The following CUL9 variants were observed in gnomAD, a reference collection of about 807,000 sequenced individuals.
CUL9 encodes cullin 9, also known as cullin-9.
In CUL9, 79 loss-of-function variants were observed where a neutral mutation model predicts 272.6. The ratio of observed to expected loss-of-function variants is 0.29; its 90% CI spans 0.24 to 0.35. The LOEUF is 0.35. CUL9 is among the 10% of genes least tolerant of loss of function. The pLI is 1.00. For synonymous variants in CUL9, 1,186 were observed against 1,286.5 expected, an observed-to-expected ratio of 0.92 and a Z score of 1.67; for missense variants, 2,532 against 3,255.6, an observed-to-expected ratio of 0.78 and a Z score of 5.41.
rs1394787297 is a variant in CUL9, at chr6:43,221,793, A to G, written c.6846+15A>G. 1.9e-6 allele frequency: 3 copies of G among 1,608,164 alleles called. No homozygotes were observed. The highest frequency in any genetic ancestry group is 2.5e-6 in the Non-Finnish European group (3 of 1,178,850). On this transcript the variant is annotated intron_variant, in intron 35 of 40. Coordinates refer to ENST00000252050, the MANE Select transcript of CUL9 (RefSeq NM_015089.4). This position sits in a 1 kb window ranked among gnomAD's most constrained non-coding sequence, Gnocchi z 4.2. ...GCTCTGCCATGGTAAGGCGCTGGGC[A>G]CTAGGGGAGGGCAGAGGCCCAGAGC...
chr6:43,207,971 G>C (rs1775176133), intron 26 of CUL9, among the ~76,000 whole-genome samples: 1 of 152,130 alleles, frequency 6.6e-6, no homozygotes, highest in Non-Finnish European at 1.5e-5. Flanking sequence ...CACTATGATG[G>C]TGAATTTTTT....
rs775722130 is a variant in CUL9 at position 43,200,162 on chromosome 6, G to A, written c.3384+6G>A. 1.9e-6 allele frequency: 3 copies of A among 1,612,216 alleles called. No homozygotes were observed. The highest frequency in any genetic ancestry group is 2.5e-6 in the Non-Finnish European group (3 of 1,178,676). On this transcript the variant is annotated splice_donor_region_variant and intron_variant, in intron 14 of 40. Coordinates refer to ENST00000252050, the MANE Select transcript of CUL9 (RefSeq NM_015089.4). The surrounding 1 kb of genome is among the most constrained non-coding windows in gnomAD (Gnocchi z 4.0). ...TCCTGGCCGGCTGCATTCAGGTGAG[G>A]AGCGGCTGTGGGTATGCAGCTGAGA... is the stretch of plus-strand genomic sequence containing the variant.
In CUL9 at chr6:43,204,506, C is replaced by T. The variant is rs1482113728; in HGVS notation, c.4306C>T (p.Pro1436Ser). The T allele has an allele frequency of 1.2e-6, 2 of 1,614,146 alleles. No individual in the cohort carries two copies. The highest frequency in any genetic ancestry group is 1.7e-6 in the Non-Finnish European group (2 of 1,180,036). ...CHLLVHVEPPPGPSPEPSTRP... is the reference protein window; with the variant it reads ...CHLLVHVEPPSGPSPEPSTRP... Reference sequence around the variant, plus strand: ...CTTGCTGGTGCATGTGGAACCTCCTCCTGGGCCTTCTCCTGAGCCATCCAC... The same window carrying T: ...CTTGCTGGTGCATGTGGAACCTCCTTCTGGGCCTTCTCCTGAGCCATCCAC... The change falls in exon 21 of 41, where the codon CCT becomes TCT. Residue 1436 changes from proline (P) to serine (S), a missense_variant. Pro to Ser is a moderately conservative substitution (Grantham distance 74, BLOSUM62 -1). Transcript: ENST00000252050.
In CUL9 at chr6:43,220,023, C is replaced by T. The variant is rs1488788102; in HGVS notation, c.6283-436C>T. ...GGCATAAGTCAGAGACAGGAGCATC[C>T]GGACGGTCATTGGAGATAAGCCACT... On this transcript the variant is annotated intron_variant, in intron 31 of 40. Transcript: ENST00000252050. The surrounding 1 kb of genome is among the most constrained non-coding windows in gnomAD (Gnocchi z 4.9). Among the ~76,000 whole-genome samples the T allele has an allele frequency of 2.6e-5, 4 of 152,034 alleles. No individual in the cohort carries two copies. The highest frequency in any genetic ancestry group is 1.9e-4 in the East Asian group (1 of 5,190).
rs1204043202 is a variant in CUL9 at position 43,224,470 on chromosome 6, G to A, written c.*25G>A. The A allele has an allele frequency of 6.2e-7, 1 of 1,603,744 alleles. No homozygotes were observed. Reference sequence around the variant, plus strand: ...AGGGGGCAGATGCAGGAAACACCTAGAGCAGCCCCAGAGTCACGGGGCTGA... The same window carrying A: ...AGGGGGCAGATGCAGGAAACACCTAAAGCAGCCCCAGAGTCACGGGGCTGA... On this transcript the variant is annotated 3_prime_UTR_variant, in exon 41 of 41. Coordinates refer to ENST00000252050, the MANE Select transcript of CUL9 (RefSeq NM_015089.4). This position sits in a 1 kb window ranked among gnomAD's most constrained non-coding sequence, Gnocchi z 4.2.
chr6:43,198,923 GTTTCTTTTCTGT>G (rs1463276900), intron 12 of CUL9, 68 bp downstream of exon 12: 17 of 1,499,730 alleles, frequency 1.1e-5, no homozygotes, highest in South Asian at 9.8e-5. Context: ...GACTTCACTT[GTTTCTTTTCTGT>G]TTTCTTTTTT....
chr6:43,194,388 G>A (rs138405883), intron 9 of CUL9, among the ~76,000 whole-genome samples: 6 of 150,818 alleles, frequency 4.0e-5, no homozygotes, highest in Admixed American at 4.0e-4. Context: ...GCTCAATCTC[G>A]GCTCACTGGA....
At position 43,184,435 on chromosome 6, in the gene CUL9, G is replaced by T. The variant is rs1455064352; in HGVS notation, c.125G>T (p.Trp42Leu). 6.2e-7 allele frequency: 1 copy of T among 1,613,910 alleles called. No individual in the cohort carries two copies. Among genetic ancestry groups the T allele is most frequent in the Non-Finnish European group, 8.5e-7 (1 of 1,179,926 alleles). ...HDGHPEYLIR[W>L]SVLKCGEVGK... ...GGGCATCCTGAATACCTGATCCGATGGAGTGTCCTGAAGTGTGGGGAAGTG... is the reference window on the plus strand; with the variant it reads ...GGGCATCCTGAATACCTGATCCGATTGAGTGTCCTGAAGTGTGGGGAAGTG... The change falls in exon 2 of 41, where the codon TGG (tryptophan) becomes TTG (leucine). Residue 42 changes from tryptophan to leucine, a missense_variant. Coordinates refer to ENST00000252050, the MANE Select transcript of CUL9 (RefSeq NM_015089.4). The surrounding 1 kb of genome is among the most constrained non-coding windows in gnomAD (Gnocchi z 4.8).
chr6:43,186,141 C>T lies in CUL9; in HGVS notation c.937C>T (p.Leu313Phe). 6.2e-7 allele frequency: 1 copy of T among 1,614,258 alleles called. No homozygotes were observed. The highest frequency in any genetic ancestry group is 8.5e-7 in the Non-Finnish European group (1 of 1,180,044). ...GGCTGTGGGCAACCTCATCTCTGAG[C>T]TTGTGCGGAGCATGGGCTGGGCCCG... The part of the protein sequence containing the change: ...SMAVGNLISE[L>F]VRSMGWARNL... Residue 313 changes from leucine (L) to phenylalanine (F), a missense_variant, in exon 4 of 41, where the codon CTT becomes TTT. By Grantham distance (22) the Leu-to-Phe change is conservative. This residue lies in a region of CUL9 where 2,218 missense variants were observed against 2,788.6 expected (regional missense o/e 0.80). Coordinates refer to ENST00000252050, the MANE Select transcript of CUL9 (RefSeq NM_015089.4).
intron 35 of CUL9, 140 bp from the exon 36 acceptor site, chr6:43,222,176 A>C: frequency 1.4e-6 from 1 of 720,744 alleles, no homozygotes; most frequent in Non-Finnish European, 2.5e-6. Context: ...AATATGACCT[A>C]CTCCACACAG....
intron 35 of CUL9, 180 bp from the exon 36 acceptor site, chr6:43,222,136 G>C (rs1388630569): frequency 4.7e-6 from 3 of 631,638 alleles, no homozygotes; most frequent in South Asian, 3.8e-5. Context: ...ACTTCTCCAA[G>C]CCTCAACAGC....
chr6:43,204,493 T>C lies in CUL9; in HGVS notation c.4293T>C (p.His1431=). Residue 1431 remains histidine (H), a synonymous_variant, in exon 21 of 41, where the codon CAT becomes CAC. Transcript: ENST00000252050. ...RVRRLCHLLV[H]VEPPPGPSPE... The stretch of plus-strand genomic sequence containing the variant: ...GTCGCCTTTGCCACTTGCTGGTGCA[T>C]GTGGAACCTCCTCCTGGGCCTTCTC... 1.7e-5 allele frequency: 27 copies of C among 1,614,114 alleles called. No homozygotes were observed. The highest frequency in any genetic ancestry group is 2.3e-5 in the Non-Finnish European group (27 of 1,180,020).
At position 43,222,565 on chromosome 6, in the gene CUL9, C is replaced by A; in HGVS notation, c.6956C>A (p.Ala2319Asp). The A allele has an allele frequency of 6.2e-7, 1 of 1,613,790 alleles. No individual in the cohort carries two copies. Among genetic ancestry groups the A allele is most frequent in the South Asian group, 1.1e-5 (1 of 91,086 alleles). Reference sequence around the variant, plus strand: ...GTGAACTTGCGGAACCGGGTGTCTGCCATCCATGAAGTGCCCCCGCCCAGA... The same window carrying A: ...GTGAACTTGCGGAACCGGGTGTCTGACATCCATGAAGTGCCCCCGCCCAGA... ...FAVNLRNRVSAIHEVPPPRSF... is the reference protein window; with the variant it reads ...FAVNLRNRVSDIHEVPPPRSF... The change falls in exon 37 of 41, where the codon GCC becomes GAC. Residue 2319 changes from alanine (A) to aspartate (D), a missense_variant. Physicochemically the swap from Ala to Asp is moderately radical, Grantham distance 126. Coordinates refer to ENST00000252050, the MANE Select transcript of CUL9 (RefSeq NM_015089.4).
Position 43,196,193 on chromosome 6 carries a change from C to T in CUL9, c.2513C>T (p.Ala838Val), listed in dbSNP as rs764955139. The T allele has an allele frequency of 7.4e-6, 12 of 1,614,078 alleles. No homozygotes were observed. The East Asian group carries it at 2.7e-4, about 36-fold the overall frequency. The change falls in exon 10 of 41, where the codon GCC becomes GTC. Residue 838 changes from alanine (A) to valine (V), a missense_variant. Ala to Val is a moderately conservative substitution (Grantham distance 64, BLOSUM62 0). This residue lies in a region of CUL9 where 2,218 missense variants were observed against 2,788.6 expected (regional missense o/e 0.80). Coordinates refer to ENST00000252050, the MANE Select transcript of CUL9 (RefSeq NM_015089.4). The stretch of plus-strand genomic sequence containing the variant: ...GAGATCTTCGCCAGCATCGACTCAG[C>T]CACACGCCCGGGCTCTGAGAGCCTG... ...TREIFASIDS[A>V]TRPGSESLLL...
chr6:43,223,111 G>A lies in CUL9; in HGVS notation c.7151-153G>A, dbSNP rs1021570406. On this transcript the variant is annotated intron_variant, in intron 38 of 40. Transcript: ENST00000252050. This position sits in a 1 kb window ranked among gnomAD's most constrained non-coding sequence, Gnocchi z 4.1. ...GCGCAGATGTTCGTGGATGTTTCTT[G>A]GTTTCTGGTCTTTACCCTGCTCCCC... The A allele has an allele frequency of 4.6e-5, 54 of 1,161,920 alleles. No homozygotes were observed. The highest frequency in any genetic ancestry group is 5.9e-5 in the Non-Finnish European group (49 of 834,912). 72.0% of individuals were successfully genotyped at this position (1,161,920 alleles called of 1,614,324 possible). A position where few individuals can be genotyped will look rare whatever the true frequency, so the allele number is the denominator to read the frequency against.
rs760705301 is a variant in CUL9 at position 43,200,657 on chromosome 6, C to T, written c.3476-6C>T. On this transcript the variant is annotated splice_polypyrimidine_tract_variant and splice_region_variant and intron_variant, in intron 15 of 40. Transcript: ENST00000252050. This position sits in a 1 kb window ranked among gnomAD's most constrained non-coding sequence, Gnocchi z 4.0. ...GTGACTGCCACCCCTTCCCACTTGC[C>T]CCCAGGCTCCAGTGTGGAAGTGAAG... is the stretch of plus-strand genomic sequence containing the variant. 1.2e-6 allele frequency: 2 copies of T among 1,614,164 alleles called. No individual in the cohort carries two copies. The highest frequency in any genetic ancestry group is 8.5e-7 in the Non-Finnish European group (1 of 1,180,018).
chr6:43,216,879 C>T (rs1775985214), intron 31 of CUL9, among the ~76,000 whole-genome samples: 1 of 152,140 alleles, frequency 6.6e-6, no homozygotes. Flanking sequence ...CCATTATCAG[C>T]CAAGTTAGAA....
chr6:43,200,321 A>G lies in CUL9; in HGVS notation c.3385-115A>G. 1 of 1,550,708 alleles carries G rather than the reference A, an allele frequency of 6.4e-7. No homozygotes were observed. Among genetic ancestry groups the G allele is most frequent in the Non-Finnish European group, 8.8e-7 (1 of 1,131,522 alleles). ...CACATGGTTCTGTCAAAATGTGGGG[A>G]GAGAGGAGTTGAGTATACCGTTGAC... is the stretch of plus-strand genomic sequence containing the variant. On this transcript the variant is annotated intron_variant, in intron 14 of 40. Transcript: ENST00000252050. This position sits in a 1 kb window ranked among gnomAD's most constrained non-coding sequence, Gnocchi z 4.0.
Position 43,205,328 on chromosome 6 carries a change from T to C in CUL9, c.4698T>C (p.Pro1566=), listed in dbSNP as rs1582381076. Residue 1566 remains proline, a synonymous_variant, in exon 24 of 41, where the codon CCT becomes CCC. Coordinates refer to ENST00000252050, the MANE Select transcript of CUL9 (RefSeq NM_015089.4). ...QIQGGLIGGA[P]GVEMLGQLQR... ...AGGGTGGCCTGATTGGTGGAGCCCC[T>C]GGAGTGGAAATGCTGGGGCAGCTTC... 6.2e-7 allele frequency: 1 copy of C among 1,614,160 alleles called. No homozygotes were observed. Among genetic ancestry groups the C allele is most frequent in the Non-Finnish European group, 8.5e-7 (1 of 1,180,032 alleles).
Sources: gnomAD v4.1 joint callset for allele counts (sites outside exome capture counted in the v4.1 genomes callset) on GRCh38, gnomAD v4.1.1 for gene constraint, gnomAD v4.1.1 regional missense constraint, Gnocchi (gnomAD v3.1) non-coding constraint, MANE v1.5 for transcripts, NCBI Gene and HGNC (gene_info 2026-07-23, HGNC 2026-07-21) for gene names.